The following MGAT4C variants were observed in gnomAD, a reference collection of about 807,000 sequenced individuals.
The protein encoded by MGAT4C is MGAT4 family member C, also known as alpha-1,3-mannosyl-glycoprotein 4-beta-N-acetylglucosaminyltransferase C.
Under a neutral mutation model 40.1 loss-of-function variants are expected in MGAT4C, and 19 were observed. The ratio of observed to expected loss-of-function variants is 0.47; its 90% CI spans 0.33 to 0.70. The LOEUF is 0.70. MGAT4C is among the 30% of genes least tolerant of loss of function. MGAT4C has a pLI of 0.02. For synonymous variants in MGAT4C, 181 were observed against 187.1 expected (o/e 0.97, Z 0.27); for missense variants, 491 against 563.2 (o/e 0.87, Z 1.30).
intron 2 of MGAT4C, among the ~76,000 whole-genome samples, chr12:86,462,129 T>C (rs1006623368): frequency 1.6e-4 from 24 of 152,238 alleles, no homozygotes; most frequent in African/African-American, 5.5e-4. Context: ...TGATATTGCA[T>C]GCATTCCTTG....
intron 2 of MGAT4C, among the ~76,000 whole-genome samples, chr12:86,460,108 A>G (rs1413992599): frequency 1.3e-5 from 2 of 152,096 alleles, no homozygotes; most frequent in Non-Finnish European, 2.9e-5. Context: ...AGACACTTAA[A>G]AGGCTGAGGT....
At chr12:86,762,757 C>A (rs936495973) in intron 1 of MGAT4C, among the ~76,000 whole-genome samples, 1 of 152,074 alleles carries the variant, frequency 6.6e-6, no homozygotes, top group Non-Finnish European at 1.5e-5. Flanking sequence ...CACTTGTTAA[C>A]AAATAATAAA....
chr12:86,117,329 G>T (rs981080962), intron 1 of MGAT4C, among the ~76,000 whole-genome samples: 2 of 152,148 alleles, frequency 1.3e-5, no homozygotes, highest in Non-Finnish European at 2.9e-5. Flanking sequence ...CAGGGATTTT[G>T]AGCAGGAAGG....
Position 85,971,051 on chromosome 12 carries a change from G to C in MGAT4C, c.*8238C>G, listed in dbSNP as rs776835150. The C allele has an allele frequency of 4.6e-5, 7 of 150,758 alleles. No homozygotes were observed. Among genetic ancestry groups the C allele is most frequent in the Non-Finnish European group, 1.0e-4 (7 of 67,230 alleles). 9.3% of individuals were successfully genotyped at this position (150,758 alleles called of 1,614,324 possible). A position where few individuals can be genotyped will look rare whatever the true frequency, so the allele number is the denominator to read the frequency against. Reference sequence around the variant, plus strand: ...AATATGTAAATTTCATTGCAACAATGGTTATTCAATTTACTGATGAAAATC... The same window carrying C: ...AATATGTAAATTTCATTGCAACAATCGTTATTCAATTTACTGATGAAAATC... On this transcript the variant is annotated 3_prime_UTR_variant, in exon 5 of 5. Transcript: ENST00000611864.
At chr12:86,706,720 G>A (rs961555374) in intron 2 of MGAT4C, among the ~76,000 whole-genome samples, 10 of 151,984 alleles carry the variant, frequency 6.6e-5, no homozygotes, top group African/African-American at 1.2e-4. Context: ...TGGCACAAGG[G>A]AAAAACAAAA....
At chr12:85,984,068 C>T (rs1028999661) in intron 3 of MGAT4C, among the ~76,000 whole-genome samples, 7 of 152,106 alleles carry the variant, frequency 4.6e-5, no homozygotes, top group Non-Finnish European at 2.9e-5. Context: ...AGGCTAGTTC[C>T]CACCATATTG....
intron 1 of MGAT4C, among the ~76,000 whole-genome samples, chr12:86,774,774 C>T (rs891409039): frequency 1.9e-4 from 29 of 152,012 alleles, no homozygotes; most frequent in Admixed American, 4.6e-4. Flanking sequence ...AGCAGCAATT[C>T]AAGCAGTTTC....
intron 2 of MGAT4C, among the ~76,000 whole-genome samples, chr12:86,472,298 G>A (rs146475007): frequency 6.6e-6 from 1 of 152,114 alleles, no homozygotes; most frequent in Non-Finnish European, 1.5e-5. Flanking sequence ...CCTATGAAAA[G>A]ACTTAACTTT....
At chr12:86,769,843 C>CATCA (rs1265635423) in intron 1 of MGAT4C, among the ~76,000 whole-genome samples, 2 of 152,016 alleles carry the variant, frequency 1.3e-5, no homozygotes, top group African/African-American at 4.8e-5. Context: ...GGAAGGGGAA[C>CATCA]ATCACACTCT....
At chr12:86,012,778 A>AACAACAACAACAACC (rs1308194133) in intron 2 of MGAT4C, among the ~76,000 whole-genome samples, 8 of 136,448 alleles carry the variant, frequency 5.9e-5, no homozygotes, top group Admixed American at 1.4e-4. Context: ...CAACAACAAC[A>AACAACAACAACAACC]ACCACCACCA....
chr12:86,779,774 G>A (rs901115668), intron 1 of MGAT4C, among the ~76,000 whole-genome samples: 7 of 151,708 alleles, frequency 4.6e-5, no homozygotes, highest in East Asian at 1.9e-4. Context: ...TTAGCCGGGC[G>A]TGGTGGCGGG....
intron 3 of MGAT4C, among the ~76,000 whole-genome samples, chr12:86,427,446 T>C (rs1459037557): frequency 6.6e-6 from 1 of 152,080 alleles, no homozygotes; most frequent in Non-Finnish European, 1.5e-5. Context: ...ATCATGGTTC[T>C]GTACTTAATG....
intron 1 of MGAT4C, among the ~76,000 whole-genome samples, chr12:86,207,573 G>T (rs545258832): frequency 1.6e-5 from 1 of 63,664 alleles, no homozygotes; most frequent in East Asian, 3.9e-4. Flanking sequence ...AATGAAGAAG[G>T]AGAAAGGAAA....
chr12:86,376,245 G>T (rs11103944), intron 3 of MGAT4C, among the ~76,000 whole-genome samples: 96,251 of 147,664 alleles, frequency 0.65, 32,133 homozygotes, highest in South Asian at 0.77. Context: ...AAAAAGAGCC[G>T]GGTGTTGTGG....
At chr12:86,509,349 T>A (rs944274861) in intron 2 of MGAT4C, among the ~76,000 whole-genome samples, 4 of 152,194 alleles carry the variant, frequency 2.6e-5, no homozygotes, top group South Asian at 4.1e-4. Context: ...TTTCTCAGGT[T>A]TGTCAAAGAT....
intron 3 of MGAT4C, among the ~76,000 whole-genome samples, chr12:86,380,792 T>G (rs1321008429): frequency 2.0e-5 from 3 of 152,014 alleles, no homozygotes; most frequent in Non-Finnish European, 4.4e-5. Context: ...TGGCTAACAA[T>G]CCCAAGCCCA....
chr12:86,589,509 T>C (rs1196191864), intron 2 of MGAT4C, among the ~76,000 whole-genome samples: 1 of 151,796 alleles, frequency 6.6e-6, no homozygotes, highest in East Asian at 1.9e-4. Flanking sequence ...TCTGAAACTA[T>C]TCCAATCAAT....
intron 1 of MGAT4C, among the ~76,000 whole-genome samples, chr12:86,065,922 A>G (rs1894494609): frequency 6.6e-6 from 1 of 152,196 alleles, no homozygotes; most frequent in Admixed American, 6.5e-5. Context: ...ATAACAGACA[A>G]ACAAAGAGCC....
intron 2 of MGAT4C, among the ~76,000 whole-genome samples, chr12:86,015,523 C>T (rs1038458287): frequency 1.3e-5 from 2 of 152,150 alleles, no homozygotes; most frequent in Non-Finnish European, 2.9e-5. Flanking sequence ...TAAGTATAAC[C>T]TTTGCCCAAA....
Sources: allele counts gnomAD v4.1 joint callset (sites outside exome capture counted in the v4.1 genomes callset), GRCh38; gene constraint gnomAD v4.1.1; transcripts MANE v1.5; gene names NCBI Gene and HGNC (gene_info 2026-07-23, HGNC 2026-07-21).